UQCRC2: variants seen among roughly 807,000 people sequenced by gnomAD.
UQCRC2 encodes the protein cytochrome b-c1 complex subunit 2, mitochondrial.
Under a neutral mutation model 55.6 loss-of-function variants are expected in UQCRC2, and 49 were observed. That is an observed-to-expected ratio of 0.88 (90% CI 0.70 to 1.12). The LOEUF (loss-of-function observed/expected upper bound fraction) is 1.12. Among genes scored for constraint, UQCRC2 ranks in the 50% most tolerant of loss-of-function variants. The probability of loss-of-function intolerance (pLI) is 0.00; values close to 1 mark genes in which losing one functional copy is unlikely to be tolerated. For synonymous variants in UQCRC2, 193 were observed against 192.0 expected, an observed-to-expected ratio of 1.01 and a Z score of -0.04; for missense variants, 506 against 547.8, an observed-to-expected ratio of 0.92 and a Z score of 0.76.
Position 21,958,515 on chromosome 16 carries a change from A to T in UQCRC2, c.268-20A>T. On this transcript the variant is annotated intron_variant, in intron 3 of 13. Coordinates refer to ENST00000268379, the MANE Select transcript of UQCRC2 (RefSeq NM_003366.4). ...TTGGCATTGAAAAGCTACAAAGATA[A>T]TCATTCTTTCTTTTTCAAGACGACA... The T allele has an allele frequency of 6.2e-7, 1 of 1,610,670 alleles. No individual in the cohort carries two copies. The highest frequency in any genetic ancestry group is 8.5e-7 in the Non-Finnish European group (1 of 1,178,136).
intron 4 of UQCRC2, among the ~76,000 whole-genome samples, chr16:21,960,793 C>T (rs1898181434): frequency 6.6e-6 from 1 of 151,988 alleles, no homozygotes; most frequent in Non-Finnish European, 1.5e-5. Context: ...AGCAGCTGGT[C>T]AGTGGAACAC....
At chr16:21,975,449 A>G (rs1367781689) in intron 11 of UQCRC2, among the ~76,000 whole-genome samples, 4 of 152,058 alleles carry the variant, frequency 2.6e-5, no homozygotes, top group Non-Finnish European at 5.9e-5. Context: ...ATGAAGGGGA[A>G]ACAGAGGTCC....
At chr16:21,959,367 A>G in intron 4 of UQCRC2, 1 of 275,276 alleles carries the variant, frequency 3.6e-6, no homozygotes, top group South Asian at 3.6e-5. Flanking sequence ...CCAGGAGCAG[A>G]TTCTATCTCA....
intron 4 of UQCRC2, chr16:21,961,585 C>G (rs958622366): frequency 7.6e-6 from 1 of 130,936 alleles, no homozygotes; most frequent in Non-Finnish European, 1.6e-5. Flanking sequence ...ACTTTATTTG[C>G]CATTTTAAAA....
intron 12 of UQCRC2, among the ~76,000 whole-genome samples, chr16:21,979,171 G>GA (rs1898655580): frequency 6.6e-6 from 1 of 152,178 alleles, no homozygotes; most frequent in African/African-American, 2.4e-5. Context: ...TGTCTGTGGT[G>GA]ACACCAAGTA....
At position 21,968,664 on chromosome 16, in the gene UQCRC2, A is replaced by G; in HGVS notation, c.649A>G (p.Arg217Gly). Reference sequence around the variant, plus strand: ...CGTTCAGAACCATTTCACAAGTGCAAGAATGGCTTTGATTGGACTTGGTAA... The same window carrying G: ...CGTTCAGAACCATTTCACAAGTGCAGGAATGGCTTTGATTGGACTTGGTAA... ...YFVQNHFTSA[R>G]MALIGLGVSH... The change falls in exon 8 of 14, where the codon AGA becomes GGA. Residue 217 changes from arginine to glycine, a missense_variant. Transcript: ENST00000268379. The G allele has an allele frequency of 6.2e-7, 1 of 1,610,070 alleles. No individual in the cohort carries two copies. The highest frequency in any genetic ancestry group is 8.5e-7 in the Non-Finnish European group (1 of 1,177,928).
In UQCRC2 at chr16:21,958,515, ATCAT is replaced by A. The variant is rs756622451; in HGVS notation, c.268-17_268-14del. The A allele has an allele frequency of 5.9e-5, 95 of 1,610,550 alleles. No individual in the cohort carries two copies. The highest frequency in any genetic ancestry group is 7.4e-5 in the Non-Finnish European group (87 of 1,178,142). ...TTGGCATTGAAAAGCTACAAAGATA[ATCAT>A]TCTTTCTTTTTCAAGACGACAAAAG... On this transcript the variant is annotated splice_polypyrimidine_tract_variant and intron_variant, in intron 3 of 13. Coordinates refer to ENST00000268379, the MANE Select transcript of UQCRC2 (RefSeq NM_003366.4).
intron 13 of UQCRC2, among the ~76,000 whole-genome samples, chr16:21,982,182 A>G (rs901515439): frequency 2.0e-5 from 3 of 151,792 alleles, no homozygotes; most frequent in African/African-American, 4.8e-5. Context: ...CTTATATCCT[A>G]TCATTATGTG....
At position 21,953,600 on chromosome 16, in the gene UQCRC2, G is replaced by C. The variant is rs528826738; in HGVS notation, c.33+144G>C. On this transcript the variant is annotated intron_variant, in intron 1 of 13. Transcript: ENST00000268379. ...AACCCTGCGGGCCAAGTGGGCTGCA[G>C]ACTGGGTCAGGCTTTGGAGGCCCAG... 7.5e-6 allele frequency: 8 copies of C among 1,067,014 alleles called. No homozygotes were observed. In the South Asian group the frequency reaches 1.1e-4, roughly 15 times the overall value. 66.1% of individuals were successfully genotyped at this position (1,067,014 alleles called of 1,614,324 possible).
chr16:21,983,021 A>G, intron 13 of UQCRC2, 67 bp from the exon 14 acceptor site: 1 of 1,425,902 alleles, frequency 7.0e-7, no homozygotes, highest in Non-Finnish European at 9.7e-7. Flanking sequence ...TGACAAAATA[A>G]GTTCGCCTGC....
At chr16:21,968,556 T>C in intron 7 of UQCRC2, 72 bp from the exon 8 acceptor site, 1 of 1,389,562 alleles carries the variant, frequency 7.2e-7, no homozygotes, top group Non-Finnish European at 9.8e-7. Flanking sequence ...TCTTCCAAAC[T>C]GTACTTTTAT....
intron 9 of UQCRC2, 107 bp downstream of exon 9, chr16:21,971,727 G>A: frequency 1.5e-6 from 2 of 1,347,246 alleles, no homozygotes; most frequent in South Asian, 2.5e-5. Flanking sequence ...AACAGTCTCG[G>A]CATAGAATTG....
chr16:21,977,433 A>T (rs1028168482), intron 12 of UQCRC2, among the ~76,000 whole-genome samples: 2 of 152,208 alleles, frequency 1.3e-5, no homozygotes, highest in Admixed American at 1.3e-4. Context: ...AGTATATAAG[A>T]GTACCTATTC....
intron 1 of UQCRC2, among the ~76,000 whole-genome samples, chr16:21,956,116 C>T (rs1328578584): frequency 2.0e-5 from 3 of 152,186 alleles, no homozygotes; most frequent in Admixed American, 1.3e-4. Context: ...TGAGCCACCG[C>T]ACCCGGCTAG....
chr16:21,983,027 C>T, intron 13 of UQCRC2, 61 bp from the exon 14 acceptor site: 1 of 1,470,386 alleles, frequency 6.8e-7, no homozygotes, highest in Non-Finnish European at 9.4e-7. Context: ...AATAAGTTCG[C>T]CTGCTTGATG....
Position 21,983,245 on chromosome 16 carries a change from GTCTC to G in UQCRC2, c.*76_*79del. On this transcript the variant is annotated 3_prime_UTR_variant, in exon 14 of 14. Transcript: ENST00000268379. The stretch of plus-strand genomic sequence containing the variant: ...AGCAGCAAACACATGAAAGTCAGAA[GTCTC>G]TAATATATCATTTGTCTTTTTTCCA... 7.5e-7 allele frequency: 1 copy of G among 1,340,236 alleles called. No homozygotes were observed. Among genetic ancestry groups the G allele is most frequent in the Non-Finnish European group, 1.0e-6 (1 of 952,686 alleles). The allele number at this position is 1,340,236 out of a possible 1,614,324, so 83.0% of individuals were successfully genotyped here. A position where few individuals can be genotyped will look rare whatever the true frequency, so the allele number is the denominator to read the frequency against.
chr16:21,970,557 G>C (rs1203841609), intron 8 of UQCRC2, among the ~76,000 whole-genome samples: 1 of 152,122 alleles, frequency 6.6e-6, no homozygotes, highest in Non-Finnish European at 1.5e-5. Flanking sequence ...ATATTTTCAT[G>C]TGCTTTTTGT....
intron 4 of UQCRC2, chr16:21,961,206 T>C: frequency 3.5e-6 from 1 of 288,306 alleles, no homozygotes; most frequent in Admixed American, 3.8e-5. Flanking sequence ...TATAAATTGA[T>C]ACAACCACTT....
intron 12 of UQCRC2, chr16:21,976,498 C>A: frequency 2.7e-6 from 1 of 368,600 alleles, no homozygotes; most frequent in Non-Finnish European, 5.0e-6. Context: ...TTGAGACCAG[C>A]TTGGGCAACA....
Sources: allele counts gnomAD v4.1 joint callset (sites outside exome capture counted in the v4.1 genomes callset), GRCh38; gene constraint gnomAD v4.1.1; transcripts MANE v1.5; gene names NCBI Gene and HGNC (gene_info 2026-07-23, HGNC 2026-07-21).